The following SH2D7 variants were observed in gnomAD, a reference collection of about 807,000 sequenced individuals.
The protein encoded by SH2D7 is SH2 domain containing 7, also known as SH2 domain-containing protein 7.
In SH2D7, 32 loss-of-function variants were observed where a neutral mutation model predicts 40.8. The ratio of observed to expected loss-of-function variants is 0.78; its 90% CI spans 0.59 to 1.05. SH2D7 has a LOEUF of 1.05. Ranked by LOEUF, SH2D7 falls within the 50% of genes least tolerant of loss-of-function variation. The pLI, the probability that SH2D7 is intolerant of heterozygous loss-of-function variation, is 0.00. For missense variants in SH2D7, 559 were observed against 566.6 expected (o/e 0.99, Z 0.14); for synonymous variants, 195 against 221.5 (o/e 0.88, Z 1.06).
rs369600608 is a variant in SH2D7, at chr15:78,103,483, C to T, written c.1324C>T (p.Leu442Phe). The T allele has an allele frequency of 5.4e-5, 84 of 1,562,864 alleles. No homozygotes were observed. The highest frequency in any genetic ancestry group is 6.8e-5 in the Non-Finnish European group (78 of 1,152,796). The part of the protein sequence containing the change: ...RTHKPDKLRR[L>F]FFTYRKHKF ...CTTGCAGCCTGACAAGCTTCGGAGG[C>T]TCTTCTTCACGTACAGGAAGCACAA... Residue 442 changes from leucine to phenylalanine, a missense_variant, in exon 6 of 6, where the codon CTC becomes TTC. Transcript: ENST00000328828.
intron 2 of SH2D7, among the ~76,000 whole-genome samples, chr15:78,096,169 T>A (rs1209279493): frequency 6.6e-6 from 1 of 152,100 alleles, no homozygotes; most frequent in Non-Finnish European, 1.5e-5. Flanking sequence ...ATAATTCTTA[T>A]AAAGAGATAT....
At chr15:78,098,125 G>A (rs1477725951) in intron 3 of SH2D7, 31 bp downstream of exon 3, 2 of 1,576,268 alleles carry the variant, frequency 1.3e-6, no homozygotes, top group Non-Finnish European at 1.7e-6. Context: ...GGGTGAGGGT[G>A]GCAGGGCAGA....
chr15:78,102,416 G>A (rs1399075217), intron 5 of SH2D7, among the ~76,000 whole-genome samples: 2 of 152,164 alleles, frequency 1.3e-5, no homozygotes, highest in African/African-American at 2.4e-5. Context: ...AAAATGGGCT[G>A]ATCCTCTGCT....
At position 78,101,558 on chromosome 15, in the gene SH2D7, G is replaced by A; in HGVS notation, c.1305G>A (p.Lys435=). 6.4e-7 allele frequency: 1 copy of A among 1,572,622 alleles called. No individual in the cohort carries two copies. The highest frequency in any genetic ancestry group is 8.6e-7 in the Non-Finnish European group (1 of 1,160,886). The change falls in exon 5 of 6, where the codon AAG becomes AAA. Residue 435 remains lysine (K), a splice_region_variant and synonymous_variant. Coordinates refer to ENST00000328828, the MANE Select transcript of SH2D7 (RefSeq NM_001101404.2). ...GCAAGGAGACTGGACGGACACACAA[G>A]GTGAGCTCCATGATGGGGTGGGGCG... ...TKSKETGRTH[K]PDKLRRLFFT...
At position 78,100,901 on chromosome 15, in the gene SH2D7, T is replaced by TC; in HGVS notation, c.651dup (p.Ile218HisfsTer8). 1 of 1,612,564 alleles carries TC rather than the reference T, an allele frequency of 6.2e-7. No homozygotes were observed. Among genetic ancestry groups the TC allele is most frequent in the South Asian group, 1.1e-5 (1 of 90,994 alleles). On this transcript the variant is annotated frameshift_variant, in exon 5 of 6. Coordinates refer to ENST00000328828, the MANE Select transcript of SH2D7 (RefSeq NM_001101404.2). LOFTEE classifies it high-confidence loss of function. ...TTTCTCTGTCCCTGTCTCCCCAGGC[T>TC]CCCATCAGAGTGTCTCCACTCCCTG...
At chr15:78,097,187 C>T (rs191161991) in intron 2 of SH2D7, among the ~76,000 whole-genome samples, 40 of 152,310 alleles carry the variant, frequency 2.6e-4, no homozygotes, top group Admixed American at 1.8e-3. Flanking sequence ...TGATAGGCGT[C>T]GGAATGGTGG....
upstream of SH2D7, among the ~76,000 whole-genome samples, chr15:78,090,567 CAAT>C (rs1467371569): frequency 6.6e-6 from 1 of 151,974 alleles, no homozygotes; most frequent in African/African-American, 2.4e-5. Flanking sequence ...GTAATAATAA[CAAT>C]AATTATAATT....
chr15:78,103,714 C>T lies in SH2D7; in HGVS notation c.*199C>T. On this transcript the variant is annotated 3_prime_UTR_variant, in exon 6 of 6. Transcript: ENST00000328828. Reference sequence around the variant, plus strand: ...GAGGACCTTGCAGGTGCCTGCAGCTCCTGGCTATGTCCTGCTTTCCTTGTG... The same window carrying T: ...GAGGACCTTGCAGGTGCCTGCAGCTTCTGGCTATGTCCTGCTTTCCTTGTG... 1 of 600,358 alleles carries T rather than the reference C, an allele frequency of 1.7e-6. No individual in the cohort carries two copies. The allele number at this position is 600,358 out of a possible 1,614,324, so 37.2% of individuals were successfully genotyped here.
chr15:78,094,333 C>T (rs1488862974), intron 2 of SH2D7, 132 bp downstream of exon 2: 2 of 749,592 alleles, frequency 2.7e-6, no homozygotes, highest in South Asian at 1.7e-5. Flanking sequence ...CCTCAATCAT[C>T]CATCACATGC....
At chr15:78,098,134 G>A (rs766675793) in intron 3 of SH2D7, 40 bp downstream of exon 3, 2 of 1,560,270 alleles carry the variant, frequency 1.3e-6, no homozygotes, top group Admixed American at 1.9e-5. Context: ...TGGCAGGGCA[G>A]AGAGCCCAGG....
At position 78,101,273 on chromosome 15, in the gene SH2D7, G is replaced by A. The variant is rs369535662; in HGVS notation, c.1020G>A (p.Gln340=). 62 of 1,612,134 alleles carry A rather than the reference G, an allele frequency of 3.8e-5. No homozygotes were observed. The African/African-American group carries it at 7.2e-4, about 19-fold the overall frequency. Residue 340 remains glutamine, a synonymous_variant, in exon 5 of 6, where the codon CAG becomes CAA. Transcript: ENST00000328828. ...TTCCAAAGCTGAGCCAAGAGGCTCA[G>A]CCCTGCTCCCAGGGCAGCTCTGCAG... ...QEFPKLSQEA[Q]PCSQGSSADI...
chr15:78,094,864 G>A (rs1203156693), intron 2 of SH2D7, among the ~76,000 whole-genome samples: 2 of 152,146 alleles, frequency 1.3e-5, no homozygotes, highest in Admixed American at 1.3e-4. Flanking sequence ...GGGTAAGACA[G>A]TGGGGATAGA....
Position 78,097,991 on chromosome 15 carries a change from C to G in SH2D7, c.329C>G (p.Ser110Ter). Residue 110 changes from serine to a stop codon, truncating the protein, a stop_gained, in exon 3 of 6, where the codon TCA becomes TGA. Coordinates refer to ENST00000328828, the MANE Select transcript of SH2D7 (RefSeq NM_001101404.2). LOFTEE classifies it high-confidence loss of function. ...CTTCGAAACCGGCGTTACATCATCT[C>G]AGGAGACACCCAGAGCCACAGCACC... Reference protein sequence around the residue: ...NQLRNRRYIISGDTQSHSTLA... With the variant: ...NQLRNRRYII The G allele has an allele frequency of 6.2e-7, 1 of 1,612,860 alleles. No individual in the cohort carries two copies. Among genetic ancestry groups the G allele is most frequent in the Non-Finnish European group, 8.5e-7 (1 of 1,179,442 alleles).
chr15:78,101,647 G>A lies in SH2D7; in HGVS notation c.1305+89G>A. The A allele has an allele frequency of 3.5e-6, 5 of 1,413,980 alleles. 1 individual carries two copies. The highest frequency in any genetic ancestry group is 4.8e-5 in the East Asian group (2 of 41,584). 87.6% of individuals were successfully genotyped at this position (1,413,980 alleles called of 1,614,324 possible). On this transcript the variant is annotated intron_variant, in intron 5 of 5. Coordinates refer to ENST00000328828, the MANE Select transcript of SH2D7 (RefSeq NM_001101404.2). ...ACCTGAAGCCCCCAGGCATAGGCAG[G>A]TCAGGTCACCGCCACTGCCTGGAAG...
chr15:78,095,846 T>C (rs1273142572), intron 2 of SH2D7, among the ~76,000 whole-genome samples: 1 of 152,114 alleles, frequency 6.6e-6, no homozygotes, highest in Non-Finnish European at 1.5e-5. Context: ...TATTTATTTA[T>C]TTATTTATTT....
chr15:78,092,677 G>A lies in SH2D7; in HGVS notation c.93G>A (p.Leu31=). 6.3e-7 allele frequency: 1 copy of A among 1,587,650 alleles called. No homozygotes were observed. Among genetic ancestry groups the A allele is most frequent in the Non-Finnish European group, 8.6e-7 (1 of 1,167,198 alleles). Residue 31 remains leucine (L), a synonymous_variant, in exon 1 of 6, where the codon CTG becomes CTA. Transcript: ENST00000328828. ...TGGCTGAGCTCCAGGAGCTTGCCCTGAAGTGGTTCATGGAGACACAGGCCC... is the reference window on the plus strand; with the variant it reads ...TGGCTGAGCTCCAGGAGCTTGCCCTAAAGTGGTTCATGGAGACACAGGCCC... ...QALAELQELA[L]KWFMETQAPF...
At position 78,098,404 on chromosome 15, in the gene SH2D7, T is replaced by G. The variant is rs575153100; in HGVS notation, c.453T>G (p.Tyr151Ter). 6.2e-7 allele frequency: 1 copy of G among 1,613,588 alleles called. No individual in the cohort carries two copies. Among genetic ancestry groups the G allele is most frequent in the Non-Finnish European group, 8.5e-7 (1 of 1,179,882 alleles). ...ACPRPEDNDL[Y>*]DAITRGLHQT... ...CCCAGCCAGAGGACAATGATCTGTA[T>G]GATGCCATCACCCGGGGCCTCCACC... Residue 151 changes from tyrosine to a stop codon, truncating the protein, a stop_gained, in exon 4 of 6, where the codon TAT becomes TAG. Coordinates refer to ENST00000328828, the MANE Select transcript of SH2D7 (RefSeq NM_001101404.2). LOFTEE classifies it high-confidence loss of function.
In SH2D7 at chr15:78,103,315, G is replaced by T. The variant is rs930540053; in HGVS notation, c.1306-150G>T. ...AGGTGGGATTTCGGGCACTGGGAGAGGCTTGTGGAATCAACTATCAGAATT... is the reference window on the plus strand; with the variant it reads ...AGGTGGGATTTCGGGCACTGGGAGATGCTTGTGGAATCAACTATCAGAATT... On this transcript the variant is annotated intron_variant, in intron 5 of 5. Transcript: ENST00000328828. 1.2e-5 allele frequency: 10 copies of T among 819,514 alleles called. 1 individual carries two copies. In the Admixed American group the frequency reaches 1.4e-4, roughly 11 times the overall value. The allele number at this position is 819,514 out of a possible 1,614,324, so 50.8% of individuals were successfully genotyped here.
Position 78,101,421 on chromosome 15 carries a change from C to T in SH2D7, c.1168C>T (p.Pro390Ser), listed in dbSNP as rs764115286. Residue 390 changes from proline (P) to serine (S), a missense_variant, in exon 5 of 6, where the codon CCT becomes TCT. Transcript: ENST00000328828. ...CWGGPARAPH[P>S]GASPTYSPWV... is the part of the protein sequence containing the mutation. ...GGGTGGCCCAGCCAGGGCCCCACAT[C>T]CTGGGGCCAGTCCCACATATAGCCC... is the stretch of plus-strand genomic sequence containing the variant. 2.5e-6 allele frequency: 4 copies of T among 1,613,396 alleles called. No individual in the cohort carries two copies. The African/African-American group carries it at 4.0e-5, about 16-fold the overall frequency.
Sources: gnomAD v4.1 joint callset for allele counts (sites outside exome capture counted in the v4.1 genomes callset) on GRCh38, gnomAD v4.1.1 for gene constraint, MANE v1.5 for transcripts, NCBI Gene and HGNC (gene_info 2026-07-23, HGNC 2026-07-21) for gene names.